ROBO1: variants seen among roughly 807,000 people sequenced by gnomAD.
ROBO1 encodes roundabout homolog 1.
A neutral mutation model predicts 195.9 loss-of-function variants in ROBO1; 149 were observed. The observed-to-expected ratio is 0.76, with a 90% CI of 0.67 to 0.87. The LOEUF is 0.87. Among genes scored for constraint, ROBO1 ranks in the 40% least tolerant of loss-of-function variants. ROBO1 has a pLI of 0.00. For missense variants in ROBO1, 1,933 were observed against 2,068.3 expected, an observed-to-expected ratio of 0.93 and a Z score of 1.27; for synonymous variants, 816 against 733.2, an observed-to-expected ratio of 1.11 and a Z score of -1.82.
chr3:79,648,699 T>C (rs1301546768), intron 1 of ROBO1, among the ~76,000 whole-genome samples: 1 of 152,072 alleles, frequency 6.6e-6, no homozygotes, highest in Non-Finnish European at 1.5e-5. Flanking sequence ...ATAAAATAAA[T>C]GAATTGTCAT....
At chr3:79,664,594 C>A (rs1946422655) in intron 1 of ROBO1, among the ~76,000 whole-genome samples, 1 of 152,008 alleles carries the variant, frequency 6.6e-6, no homozygotes, top group South Asian at 2.1e-4. Flanking sequence ...CATTTCTTCT[C>A]CACCCTTGGC....
intron 3 of ROBO1, among the ~76,000 whole-genome samples, chr3:78,952,382 A>G (rs1352366967): frequency 4.7e-5 from 7 of 150,008 alleles, no homozygotes; most frequent in Admixed American, 2.7e-4. Context: ...AAAAATCTAT[A>G]TATTTATATA....
chr3:78,667,430 T>C (rs972354210), intron 14 of ROBO1, among the ~76,000 whole-genome samples: 1 of 152,146 alleles, frequency 6.6e-6, no homozygotes, highest in Non-Finnish European at 1.5e-5. Flanking sequence ...CCAGTTATAC[T>C]TTATTTAAAA....
intron 3 of ROBO1, among the ~76,000 whole-genome samples, chr3:79,054,562 T>C (rs1341118050): frequency 1.3e-5 from 2 of 152,082 alleles, no homozygotes; most frequent in Non-Finnish European, 2.9e-5. Flanking sequence ...GCATGGGCCA[T>C]GAAGGACACC....
intron 2 of ROBO1, among the ~76,000 whole-genome samples, chr3:79,305,867 C>A (rs964801918): frequency 3.9e-5 from 6 of 151,988 alleles, no homozygotes; most frequent in Admixed American, 6.6e-5. Context: ...GAAATAATTT[C>A]CTTTATCTAA....
chr3:79,579,944 A>G (rs9863111), intron 2 of ROBO1, among the ~76,000 whole-genome samples: 18,453 of 152,084 alleles, frequency 0.12, 1,259 homozygotes, highest in African/African-American at 0.17. Flanking sequence ...TGTATTAGTG[A>G]TGCTATGCTT....
intron 2 of ROBO1, among the ~76,000 whole-genome samples, chr3:79,536,993 G>A (rs535698912): frequency 1.1e-3 from 173 of 151,570 alleles, no homozygotes; most frequent in African/African-American, 3.8e-3. Flanking sequence ...TAAACAAACC[G>A]GCATGTGTAC....
chr3:79,575,227 A>AATATATATAAATATATATAACAAAT (rs1943428984), intron 2 of ROBO1, among the ~76,000 whole-genome samples: 4 of 119,152 alleles, frequency 3.4e-5, no homozygotes, highest in African/African-American at 1.5e-4. Flanking sequence ...ATATATAACA[A>AATATATATAAATATATATAACAAAT]ATATATATAA....
chr3:79,018,256 G>A (rs753797304), intron 3 of ROBO1: 25 of 855,910 alleles, frequency 2.9e-5, no homozygotes, highest in Non-Finnish European at 4.5e-5. Flanking sequence ...TGCGAACTAG[G>A]AACATTTTCG....
intron 2 of ROBO1, among the ~76,000 whole-genome samples, chr3:79,511,471 C>A (rs1381232706): frequency 6.6e-6 from 1 of 152,120 alleles, no homozygotes; most frequent in Non-Finnish European, 1.5e-5. Flanking sequence ...TAATTCAGTT[C>A]TCTCTGTAAT....
intron 2 of ROBO1, among the ~76,000 whole-genome samples, chr3:79,278,853 C>T (rs1175596446): frequency 6.6e-6 from 1 of 152,130 alleles, no homozygotes; most frequent in Non-Finnish European, 1.5e-5. Flanking sequence ...GTATATCAAA[C>T]TGAAAAGTTT....
intron 28 of ROBO1, among the ~76,000 whole-genome samples, chr3:78,611,252 C>T (rs1183035965): frequency 6.6e-6 from 1 of 152,134 alleles, no homozygotes; most frequent in Non-Finnish European, 1.5e-5. Context: ...GTCAAAATAA[C>T]ATCATTCCAA....
chr3:79,575,408 G>T (rs1182847698), intron 2 of ROBO1, among the ~76,000 whole-genome samples: 4 of 111,760 alleles, frequency 3.6e-5, no homozygotes, highest in South Asian at 5.2e-4. Flanking sequence ...TATAAATATA[G>T]ATAACAAATA....
At chr3:78,957,164 A>G (rs1318229471) in intron 3 of ROBO1, among the ~76,000 whole-genome samples, 1 of 152,134 alleles carries the variant, frequency 6.6e-6, no homozygotes, top group Non-Finnish European at 1.5e-5. Flanking sequence ...AAACCAACAA[A>G]TATTTTTTGG....
At chr3:79,162,123 C>A (rs2108666938) in intron 2 of ROBO1, among the ~76,000 whole-genome samples, 1 of 152,052 alleles carries the variant, frequency 6.6e-6, no homozygotes, top group African/African-American at 2.4e-5. Context: ...AAATTTATTT[C>A]TCAGTGTATG....
chr3:79,072,825 A>T (rs919097830), intron 3 of ROBO1, among the ~76,000 whole-genome samples: 80 of 151,980 alleles, frequency 5.3e-4, no homozygotes, highest in African/African-American at 1.8e-3. Flanking sequence ...CAAAAAACAG[A>T]GTTATTATAG....
intron 1 of ROBO1, among the ~76,000 whole-genome samples, chr3:79,661,958 T>C (rs1383490593): frequency 6.6e-6 from 1 of 152,082 alleles, no homozygotes; most frequent in African/African-American, 2.4e-5. Context: ...TGCCTAAGTG[T>C]AATAATCCTC....
chr3:79,011,804 T>C (rs962895674), intron 3 of ROBO1, among the ~76,000 whole-genome samples: 3 of 152,050 alleles, frequency 2.0e-5, no homozygotes, highest in African/African-American at 4.8e-5. Context: ...CTCATTGAAA[T>C]TGTAAGTTAA....
intron 4 of ROBO1, among the ~76,000 whole-genome samples, chr3:78,865,998 A>C (rs1445869857): frequency 3.3e-5 from 5 of 152,170 alleles, no homozygotes; most frequent in African/African-American, 1.2e-4. Context: ...ATCAATATCT[A>C]TATGTAACAG....
Sources: gnomAD v4.1 joint callset for allele counts (sites outside exome capture counted in the v4.1 genomes callset) on GRCh38, gnomAD v4.1.1 for gene constraint, MANE v1.5 for transcripts, NCBI Gene and HGNC (gene_info 2026-07-23, HGNC 2026-07-21) for gene names.